The following RFC3 variants were observed in gnomAD, a reference collection of about 807,000 sequenced individuals.
The protein encoded by RFC3 is replication factor C subunit 3.
Under a neutral mutation model 45.1 loss-of-function variants are expected in RFC3, and 41 were observed. The ratio of observed to expected loss-of-function variants is 0.91; its 90% CI spans 0.71 to 1.18. The LOEUF (loss-of-function observed/expected upper bound fraction) is 1.18. Among genes scored for constraint, RFC3 ranks in the 50% most tolerant of loss-of-function variants. RFC3 has a pLI of 0.00. For missense variants in RFC3, 423 were observed against 428.1 expected (o/e 0.99, Z 0.10); for synonymous variants, 149 against 144.0 (o/e 1.03, Z -0.25).
intron 5 of RFC3, among the ~76,000 whole-genome samples, chr13:33,830,491 A>G (rs567077997): frequency 4.6e-5 from 7 of 152,296 alleles, no homozygotes; most frequent in African/African-American, 1.4e-4. Flanking sequence ...ATGATTCCTC[A>G]CATTAAATAT....
At chr13:33,818,729 G>T (rs1192563366) in intron 1 of RFC3, among the ~76,000 whole-genome samples, 1 of 152,156 alleles carries the variant, frequency 6.6e-6, no homozygotes, top group African/African-American at 2.4e-5. Flanking sequence ...GGAGCATTTT[G>T]AGCGGAGATG....
At chr13:33,852,925 C>A (rs929436537) in intron 8 of RFC3, among the ~76,000 whole-genome samples, 2 of 152,132 alleles carry the variant, frequency 1.3e-5, no homozygotes, top group African/African-American at 2.4e-5. Context: ...CACAGACCAA[C>A]CTTGTCCTAA....
At chr13:33,942,390 A>G (rs1238153348) in intron 8 of RFC3, among the ~76,000 whole-genome samples, 1 of 152,180 alleles carries the variant, frequency 6.6e-6, no homozygotes, top group Non-Finnish European at 1.5e-5. Flanking sequence ...GCTTTGATAC[A>G]GGCATACAAT....
At chr13:33,968,343 G>A (rs192321328), downstream of RFC3, among the ~76,000 whole-genome samples, 4 of 152,286 alleles carry the variant, frequency 2.6e-5, no homozygotes, top group East Asian at 7.7e-4. Flanking sequence ...GGCCAGGCTG[G>A]TCTCAAACTC....
intron 2 of RFC3, 109 bp from the exon 3 acceptor site, chr13:33,823,808 T>C (rs1290510377): frequency 7.4e-6 from 4 of 541,620 alleles, no homozygotes; most frequent in Non-Finnish European, 9.8e-6. Context: ...TGAATGGTGG[T>C]TATCTCAAGT....
chr13:33,929,323 T>A (rs1215775260), intron 8 of RFC3, among the ~76,000 whole-genome samples: 2 of 152,082 alleles, frequency 1.3e-5, no homozygotes, highest in African/African-American at 4.8e-5. Flanking sequence ...TTTAAAAAAA[T>A]TTAATTGTAG....
chr13:33,846,135 C>T (rs894466373), intron 8 of RFC3: 5 of 152,156 alleles, frequency 3.3e-5, no homozygotes, highest in Non-Finnish European at 7.3e-5. Flanking sequence ...TTCTGTCTCT[C>T]CATGCTGAGT....
chr13:33,917,480 G>T (rs1306834180), intron 8 of RFC3, among the ~76,000 whole-genome samples: 1 of 152,088 alleles, frequency 6.6e-6, no homozygotes, highest in Non-Finnish European at 1.5e-5. Flanking sequence ...GATCTAAAGA[G>T]CCCTCCTGTT....
chr13:33,858,480 C>G (rs2082320934), intron 8 of RFC3, among the ~76,000 whole-genome samples: 1 of 152,168 alleles, frequency 6.6e-6, no homozygotes. Context: ...CAGGTCCCTT[C>G]CCACTCTTCA....
intron 8 of RFC3, among the ~76,000 whole-genome samples, chr13:33,898,071 C>T (rs2082613209): frequency 6.6e-6 from 1 of 151,910 alleles, no homozygotes; most frequent in South Asian, 2.1e-4. Context: ...GACTTTAACA[C>T]CCCACTGTAA....
intron 4 of RFC3, among the ~76,000 whole-genome samples, chr13:33,829,030 T>C (rs1359135133): frequency 6.6e-6 from 1 of 152,226 alleles, no homozygotes; most frequent in East Asian, 1.9e-4. Flanking sequence ...TGTTGCCTGG[T>C]TTCTGTATAA....
intron 8 of RFC3, among the ~76,000 whole-genome samples, chr13:33,919,050 T>TGG (rs1555241225): frequency 6.6e-6 from 1 of 151,838 alleles, no homozygotes; most frequent in Non-Finnish European, 1.5e-5. Context: ...CTTTATTCTA[T>TGG]AGAGTAATTG....
intron 1 of RFC3, 39 bp downstream of exon 1, chr13:33,818,304 C>A (rs773797037): frequency 1.9e-6 from 3 of 1,567,650 alleles, no homozygotes; most frequent in Non-Finnish European, 2.6e-6. Flanking sequence ...AGAGGGGAGG[C>A]CCCCCGGCTC....
intron 8 of RFC3, among the ~76,000 whole-genome samples, chr13:33,933,963 CAG>C (rs963153354): frequency 1.3e-5 from 2 of 150,086 alleles, no homozygotes; most frequent in Admixed American, 6.6e-5. Flanking sequence ...GACTGGCAGA[CAG>C]AGACTGCAGG....
At chr13:33,858,437 C>T (rs781010024) in intron 8 of RFC3, among the ~76,000 whole-genome samples, 52 of 152,278 alleles carry the variant, frequency 3.4e-4, no homozygotes, top group South Asian at 1.0e-3. Flanking sequence ...AATTCTGCGG[C>T]TAGTCTGGCA....
intron 8 of RFC3, among the ~76,000 whole-genome samples, chr13:33,878,099 A>G (rs1037071938): frequency 2.0e-5 from 3 of 152,130 alleles, no homozygotes; most frequent in Non-Finnish European, 4.4e-5. Context: ...TAACAATGCC[A>G]AAAATATATA....
the RFC3 span, among the ~76,000 whole-genome samples, chr13:33,975,959 A>T: frequency 6.6e-6 from 1 of 152,234 alleles, no homozygotes; most frequent in Admixed American, 6.5e-5. Context: ...ATTCTCTAAT[A>T]AAATGAACCA....
chr13:33,973,553 T>C, the RFC3 span, among the ~76,000 whole-genome samples: 6 of 152,108 alleles, frequency 3.9e-5, no homozygotes, highest in African/African-American at 1.4e-4. Flanking sequence ...CTGCATCTCA[T>C]AGGGCGTAAT....
At position 33,834,329 on chromosome 13, in the gene RFC3, T is replaced by TATATATATACACATAC. The variant is rs1300798923; in HGVS notation, c.810-817_810-816insATATATACACATACAT. Among the ~76,000 whole-genome samples the TATATATATACACATAC allele has an allele frequency of 7.8e-4, 98 of 125,084 alleles. 2 individuals carry two copies. The highest frequency in any genetic ancestry group is 4.5e-3 in the South Asian group (17 of 3,788). The allele number at this position is 125,084 out of a possible 152,430, so 82.1% of individuals were successfully genotyped here. A position where few individuals can be genotyped will look rare whatever the true frequency, so the allele number is the denominator to read the frequency against. ...ATATATATATATATATATATATATA[T>TATATATATACACATAC]ATCTGTACTGTAAAAATTCAGAAGT... is the stretch of plus-strand genomic sequence containing the variant. On this transcript the variant is annotated intron_variant, in intron 7 of 8. Coordinates refer to ENST00000380071, the MANE Select transcript of RFC3 (RefSeq NM_002915.4).
Sources: allele counts gnomAD v4.1 joint callset (sites outside exome capture counted in the v4.1 genomes callset), GRCh38; gene constraint gnomAD v4.1.1; transcripts MANE v1.5; gene names NCBI Gene and HGNC (gene_info 2026-07-23, HGNC 2026-07-21).